The following WDR7 variants were observed in gnomAD, a reference collection of about 807,000 sequenced individuals.
WDR7 encodes the protein WD repeat domain 7.
Under a neutral mutation model 169.4 loss-of-function variants are expected in WDR7, and 46 were observed. The observed-to-expected ratio is 0.27, with a 90% CI of 0.21 to 0.35. WDR7 has a LOEUF of 0.35. WDR7 is among the 10% of genes least tolerant of loss of function. The pLI, the probability that WDR7 is intolerant of heterozygous loss-of-function variation, is 1.00. For missense variants in WDR7, 1,534 were observed against 1,859.3 expected (o/e 0.83, Z 3.22); for synonymous variants, 612 against 666.8 (o/e 0.92, Z 1.27).
At chr18:56,919,196 T>A (rs1231872349) in intron 21 of WDR7, among the ~76,000 whole-genome samples, 1 of 152,180 alleles carries the variant, frequency 6.6e-6, no homozygotes, top group African/African-American at 2.4e-5. Flanking sequence ...ACAAACTGCA[T>A]TTCCCATCCT....
At chr18:56,917,934 A>C (rs1171782410) in intron 21 of WDR7, among the ~76,000 whole-genome samples, 4 of 152,214 alleles carry the variant, frequency 2.6e-5, no homozygotes, top group Non-Finnish European at 1.5e-5. Flanking sequence ...TTAAAATATG[A>C]GCTATTATTA....
chr18:56,789,364 T>C (rs558376383), intron 19 of WDR7, among the ~76,000 whole-genome samples: 6 of 152,380 alleles, frequency 3.9e-5, no homozygotes, highest in Non-Finnish European at 8.8e-5. Context: ...TTCCCTGTTA[T>C]CAAGTTAATT....
intron 24 of WDR7, 91 bp from the exon 25 acceptor site, chr18:56,939,220 T>G: frequency 1.1e-6 from 1 of 930,868 alleles, no homozygotes; most frequent in Non-Finnish European, 1.6e-6. Flanking sequence ...ATATAGACTT[T>G]CTATGGGCAA....
rs2025557779 is a variant in WDR7 at position 56,691,068 on chromosome 18, G to A, written c.718-148G>A. 3 of 1,096,808 alleles carry A rather than the reference G, an allele frequency of 2.7e-6. No individual in the cohort carries two copies. The Admixed American group carries it at 8.1e-5, about 30-fold the overall frequency. 67.9% of individuals were successfully genotyped at this position (1,096,808 alleles called of 1,614,324 possible). On this transcript the variant is annotated intron_variant, in intron 7 of 27. Coordinates refer to ENST00000254442, the MANE Select transcript of WDR7 (RefSeq NM_015285.3). ...TCCCTATTGAAGGTGACCTCTCCCA[G>A]GGCTTATTGACAAACTTTCTTTATC...
At chr18:56,978,602 A>G (rs2047599531) in intron 26 of WDR7, among the ~76,000 whole-genome samples, 1 of 152,182 alleles carries the variant, frequency 6.6e-6, no homozygotes, top group Admixed American at 6.5e-5. Flanking sequence ...TATTTCCTTT[A>G]TCTGATGATG....
intron 20 of WDR7, among the ~76,000 whole-genome samples, chr18:56,874,994 A>G (rs2046004051): frequency 6.6e-6 from 1 of 152,194 alleles, no homozygotes; most frequent in Admixed American, 6.5e-5. Flanking sequence ...TAGATTCTTT[A>G]TAATATCCTA....
At chr18:56,963,922 C>A (rs372921693) in intron 26 of WDR7, among the ~76,000 whole-genome samples, 1 of 150,312 alleles carries the variant, frequency 6.7e-6, no homozygotes, top group Non-Finnish European at 1.5e-5. Context: ...AAACCACAAG[C>A]ATCTACCAGG....
intron 13 of WDR7, among the ~76,000 whole-genome samples, chr18:56,722,778 A>G (rs1035274842): frequency 2.4e-4 from 36 of 152,164 alleles, no homozygotes; most frequent in African/African-American, 8.7e-4. Context: ...GCAATTAATC[A>G]CTAAGTCTTT....
In WDR7 at chr18:56,854,527, C is replaced by G. The variant is rs2045689350; in HGVS notation, c.3305-25417C>G. Among the ~76,000 whole-genome samples, 3 of 152,148 alleles carry G rather than the reference C, an allele frequency of 2.0e-5. No homozygotes were observed. In the South Asian group the frequency reaches 6.2e-4, roughly 32 times the overall value. On this transcript the variant is annotated intron_variant, in intron 20 of 27. Coordinates refer to ENST00000254442, the MANE Select transcript of WDR7 (RefSeq NM_015285.3). The stretch of plus-strand genomic sequence containing the variant: ...CCTCCTCGGCCTTTTATGGAGACTT[C>G]TTTGGATAGGCATGACTGAAGCATG...
At chr18:56,980,969 C>A (rs1008460908) in intron 26 of WDR7, among the ~76,000 whole-genome samples, 7 of 152,192 alleles carry the variant, frequency 4.6e-5, no homozygotes, top group Non-Finnish European at 8.8e-5. Context: ...ATCTGATCTA[C>A]CCTTTTATAA....
At chr18:56,950,201 A>G (rs1349580814) in intron 25 of WDR7, among the ~76,000 whole-genome samples, 1 of 152,244 alleles carries the variant, frequency 6.6e-6, no homozygotes, top group African/African-American at 2.4e-5. Flanking sequence ...ACTTTGTCAC[A>G]CTGAATATTG....
chr18:57,012,962 C>T (rs2048158038), intron 26 of WDR7, among the ~76,000 whole-genome samples: 1 of 152,190 alleles, frequency 6.6e-6, no homozygotes, highest in Non-Finnish European at 1.5e-5. Flanking sequence ...GGAACAGCAC[C>T]TGGCATATCA....
At chr18:56,680,725 TA>T (rs1225391937) in intron 3 of WDR7, among the ~76,000 whole-genome samples, 7 of 152,242 alleles carry the variant, frequency 4.6e-5, no homozygotes, top group African/African-American at 1.7e-4. Flanking sequence ...AAAATTACAA[TA>T]CATACAGAAT....
chr18:56,927,064 T>C (rs1324357979), intron 22 of WDR7, among the ~76,000 whole-genome samples: 1 of 152,214 alleles, frequency 6.6e-6, no homozygotes, highest in African/African-American at 2.4e-5. Context: ...CTGTGCTTTT[T>C]AAAATTTCAG....
At chr18:56,815,883 T>C (rs2044958911) in intron 19 of WDR7, 148 bp from the exon 20 acceptor site, 1 of 621,468 alleles carries the variant, frequency 1.6e-6, no homozygotes, top group African/African-American at 1.8e-5. Context: ...GTTTTATTCA[T>C]TGATTTGTGT....
At chr18:56,735,100 G>C (rs2026670870) in intron 14 of WDR7, among the ~76,000 whole-genome samples, 1 of 152,100 alleles carries the variant, frequency 6.6e-6, no homozygotes, top group Admixed American at 6.5e-5. Context: ...TTTAATGTAA[G>C]ACACTTACAA....
rs71353980 is a variant in WDR7 at position 56,730,753 on chromosome 18, G to A, written c.1775-630G>A. Among the ~76,000 whole-genome samples the A allele has an allele frequency of 2.8e-3, 424 of 152,054 alleles. 1 individual carries two copies. The highest frequency in any genetic ancestry group is 9.9e-3 in the East Asian group (51 of 5,166). On this transcript the variant is annotated intron_variant, in intron 13 of 27. Coordinates refer to ENST00000254442, the MANE Select transcript of WDR7 (RefSeq NM_015285.3). The stretch of plus-strand genomic sequence containing the variant: ...TGCACTCCAGCCTGGGCGACAGAGC[G>A]AGATTCTGTCTCAAAAAAATAAAAA...
At chr18:56,959,585 C>T (rs1198706629) in intron 25 of WDR7, among the ~76,000 whole-genome samples, 3 of 152,088 alleles carry the variant, frequency 2.0e-5, no homozygotes, top group Non-Finnish European at 2.9e-5. Context: ...ATGTTATCAA[C>T]ACAGTGAACT....
chr18:56,657,287 A>T (rs1381207466), intron 1 of WDR7, among the ~76,000 whole-genome samples: 1 of 151,704 alleles, frequency 6.6e-6, no homozygotes, highest in East Asian at 1.9e-4. Flanking sequence ...CCTCCCTAGT[A>T]GCTGGGATTA....
Sources: allele counts gnomAD v4.1 joint callset (sites outside exome capture counted in the v4.1 genomes callset), GRCh38; gene constraint gnomAD v4.1.1; transcripts MANE v1.5; gene names NCBI Gene and HGNC (gene_info 2026-07-23, HGNC 2026-07-21).